The following FAM98C variants were observed in gnomAD, a reference collection of about 807,000 sequenced individuals.
FAM98C encodes the protein tRNA splicing ligase complex subunit 3C, also known as protein FAM98C.
FAM98C carries 38 observed loss-of-function variants against 41.1 expected under a neutral mutation model. The observed-to-expected ratio is 0.92, with a 90% CI of 0.71 to 1.21. FAM98C has a LOEUF of 1.21. Ranked by LOEUF, FAM98C falls within the 50% of genes most tolerant of loss-of-function variation. The pLI is 0.00. For synonymous variants in FAM98C, 195 were observed against 216.7 expected (o/e 0.90, Z 0.88); for missense variants, 493 against 484.7 (o/e 1.02, Z -0.16).
In FAM98C at chr19:38,408,613, C is replaced by A. The variant is rs1048565708; in HGVS notation, c.919-138C>A. On this transcript the variant is annotated intron_variant, in intron 7 of 7. Transcript: ENST00000252530. Reference sequence around the variant, plus strand: ...TGCTAGTATCTTCCACCAGTTCAGTCCCCCCTCCCCCAGCCACTGTACTCA... The same window carrying A: ...TGCTAGTATCTTCCACCAGTTCAGTACCCCCTCCCCCAGCCACTGTACTCA... 12 of 1,074,244 alleles carry A rather than the reference C, an allele frequency of 1.1e-5. No homozygotes were observed. The Admixed American group carries it at 1.5e-4, about 13-fold the overall frequency. The allele number at this position is 1,074,244 out of a possible 1,614,324, so 66.5% of individuals were successfully genotyped here. A position where few individuals can be genotyped will look rare whatever the true frequency, so the allele number is the denominator to read the frequency against.
Position 38,406,981 on chromosome 19 carries a change from CA to C in FAM98C, c.823del (p.Ile275LeufsTer91). ...TTCTGACCCCAGAATCGGACATCTC[CA>C]TTGCACACGTTCTGGCTGCCCGAGC... is the stretch of plus-strand genomic sequence containing the variant. Reference protein sequence around the residue: ...EVLTPESDISIAHVLAARADL... With the variant: ...EVLTPESDISXAHVLAARADL... On this transcript the variant is annotated frameshift_variant, in exon 7 of 8. Coordinates refer to ENST00000252530, the MANE Select transcript of FAM98C (RefSeq NM_174905.4). LOFTEE classifies it high-confidence loss of function. 6.2e-7 allele frequency: 1 copy of C among 1,614,204 alleles called. No homozygotes were observed. The highest frequency in any genetic ancestry group is 1.1e-5 in the South Asian group (1 of 91,076).
intron 3 of FAM98C, among the ~76,000 whole-genome samples, chr19:38,404,346 T>C (rs748781488): frequency 6.6e-6 from 1 of 152,064 alleles, no homozygotes; most frequent in Non-Finnish European, 1.5e-5. Context: ...TGGGGGGGAC[T>C]AGAAGGTGGA....
intron 6 of FAM98C, chr19:38,406,362 A>G (rs1971041245): frequency 6.6e-6 from 1 of 152,628 alleles, no homozygotes; most frequent in Non-Finnish European, 1.5e-5. Flanking sequence ...GGGTTTCTCC[A>G]TGTTGGTTAG....
Position 38,404,853 on chromosome 19 carries a change from T to A in FAM98C, c.350-55T>A. On this transcript the variant is annotated intron_variant, in intron 3 of 7. Transcript: ENST00000252530. ...CATCAGTGGAGCTTTTTGACCAAGA[T>A]GGATGAGTGGGTAGCAGCCTCCCTG... is the stretch of plus-strand genomic sequence containing the variant. The A allele has an allele frequency of 1.9e-6, 3 of 1,599,810 alleles. No individual in the cohort carries two copies. The South Asian group carries it at 3.3e-5, about 18-fold the overall frequency.
chr19:38,404,759 G>A, intron 3 of FAM98C, 149 bp from the exon 4 acceptor site: 2 of 794,818 alleles, frequency 2.5e-6, no homozygotes, highest in East Asian at 2.5e-5. Flanking sequence ...TCCATCTCCT[G>A]ACCTCGTGAT....
intron 3 of FAM98C, among the ~76,000 whole-genome samples, chr19:38,404,328 G>A (rs185052106): frequency 1.5e-4 from 23 of 152,264 alleles, no homozygotes; most frequent in African/African-American, 5.5e-4. Context: ...ACTCTGGAAG[G>A]CTTTAGGTGG....
At chr19:38,405,773 T>A in intron 6 of FAM98C, 138 bp downstream of exon 6, 1 of 770,138 alleles carries the variant, frequency 1.3e-6, no homozygotes, top group Non-Finnish European at 2.1e-6. Context: ...TTTTTTGAGG[T>A]TTGGGGCTCC....
Position 38,408,921 on chromosome 19 carries a change from GATGCTA to G in FAM98C, c.*46_*51del, listed in dbSNP as rs778071249. 11 of 1,533,532 alleles carry G rather than the reference GATGCTA, an allele frequency of 7.2e-6. No individual in the cohort carries two copies. The highest frequency in any genetic ancestry group is 2.6e-5 in the South Asian group (2 of 77,234). The allele number at this position is 1,533,532 out of a possible 1,614,324, so 95.0% of individuals were successfully genotyped here. On this transcript the variant is annotated 3_prime_UTR_variant, in exon 8 of 8. Coordinates refer to ENST00000252530, the MANE Select transcript of FAM98C (RefSeq NM_174905.4). ...GTCGGGGGCGGGGGGTCCTCCATGA[GATGCTA>G]ATGCTATCGGTAATCTCTGGGGAGT... is the stretch of plus-strand genomic sequence containing the variant.
intron 3 of FAM98C, among the ~76,000 whole-genome samples, 196 bp downstream of exon 3, chr19:38,403,890 T>A (rs1238944576): frequency 6.6e-6 from 1 of 151,984 alleles, no homozygotes; most frequent in Non-Finnish European, 1.5e-5. Context: ...TCGTTTTATT[T>A]TTTATTTATT....
At chr19:38,406,716 T>C in intron 6 of FAM98C, 194 bp from the exon 7 acceptor site, 1 of 561,254 alleles carries the variant, frequency 1.8e-6, no homozygotes, top group South Asian at 2.5e-5. Context: ...GCCCAGGAGA[T>C]TGAGGCTGCA....
At chr19:38,405,297 G>A (rs763275463) in intron 4 of FAM98C, 47 bp from the exon 5 acceptor site, 6 of 1,599,040 alleles carry the variant, frequency 3.8e-6, no homozygotes, top group Non-Finnish European at 5.1e-6. Context: ...TTACAGAGGG[G>A]CCCATCCTCT....
rs750914775 is a variant in FAM98C, at chr19:38,403,720, A to T, written c.349+26A>T. The T allele has an allele frequency of 8.7e-5, 121 of 1,395,504 alleles. No homozygotes were observed. The Middle Eastern group carries it at 8.0e-3, about 92-fold the overall frequency. 86.4% of individuals were successfully genotyped at this position (1,395,504 alleles called of 1,614,324 possible). A position where few individuals can be genotyped will look rare whatever the true frequency, so the allele number is the denominator to read the frequency against. On this transcript the variant is annotated intron_variant, in intron 3 of 7. Transcript: ENST00000252530. The stretch of plus-strand genomic sequence containing the variant: ...GTGAGTCCCGGGATGCAGAAGTGGC[A>T]AGGCCATGGCCTCCGGAGCGGCGGG...
chr19:38,405,611 T>A lies in FAM98C; in HGVS notation c.726T>A (p.Ala242=). Residue 242 remains alanine, a synonymous_variant, in exon 6 of 8, where the codon GCT becomes GCA. Coordinates refer to ENST00000252530, the MANE Select transcript of FAM98C (RefSeq NM_174905.4). ...AGCGCCTTGACCTCACTACATCTGCTTTCCACTGGAGTGACCGGGCAGAGG... is the reference window on the plus strand; with the variant it reads ...AGCGCCTTGACCTCACTACATCTGCATTCCACTGGAGTGACCGGGCAGAGG... The part of the protein sequence containing the change: ...LLKRLDLTTS[A]FHWSDRAEAQ... The A allele has an allele frequency of 6.2e-7, 1 of 1,614,150 alleles. No homozygotes were observed. The highest frequency in any genetic ancestry group is 8.5e-7 in the Non-Finnish European group (1 of 1,180,024).
In FAM98C at chr19:38,407,212, T is replaced by C. The variant is rs1196489978; in HGVS notation, c.918+135T>C. 3.8e-6 allele frequency: 4 copies of C among 1,047,012 alleles called. No homozygotes were observed. The African/African-American group carries it at 4.8e-5, about 12-fold the overall frequency. 64.9% of individuals were successfully genotyped at this position (1,047,012 alleles called of 1,614,324 possible). On this transcript the variant is annotated intron_variant, in intron 7 of 7. Transcript: ENST00000252530. ...GACATGGCAGCTAGAAGGACCTCGC[T>C]CACACAAAAACTGACTGTGGACTCC... is the stretch of plus-strand genomic sequence containing the variant.
At position 38,403,557 on chromosome 19, in the gene FAM98C, C is replaced by T. The variant is rs914141466; in HGVS notation, c.215-3C>T. On this transcript the variant is annotated splice_polypyrimidine_tract_variant and splice_region_variant and intron_variant, in intron 2 of 7. Coordinates refer to ENST00000252530, the MANE Select transcript of FAM98C (RefSeq NM_174905.4). ...CCGAGCCCTGACACCCCTGTCCTCG[C>T]AGGCCCTGGCGCGGAGGAGGACTTT... The T allele has an allele frequency of 1.6e-5, 24 of 1,492,284 alleles. No individual in the cohort carries two copies. Among genetic ancestry groups the T allele is most frequent in the Non-Finnish European group, 2.1e-5 (24 of 1,129,992 alleles). The allele number at this position is 1,492,284 out of a possible 1,614,324, so 92.4% of individuals were successfully genotyped here.
Position 38,406,985 on chromosome 19 carries a change from G to A in FAM98C, c.826G>A (p.Ala276Thr). ...VLTPESDISI[A>T]HVLAARADLS... is the part of the protein sequence containing the mutation. ...GACCCCAGAATCGGACATCTCCATT[G>A]CACACGTTCTGGCTGCCCGAGCCGA... Residue 276 changes from alanine (A) to threonine (T), a missense_variant, in exon 7 of 8, where the codon GCA becomes ACA. Ala to Thr is a moderately conservative substitution (Grantham distance 58). Transcript: ENST00000252530. 5.0e-6 allele frequency: 8 copies of A among 1,614,158 alleles called. No individual in the cohort carries two copies. Among genetic ancestry groups the A allele is most frequent in the South Asian group, 1.1e-5 (1 of 91,084 alleles).
At chr19:38,407,345 A>C (rs1600530694) in intron 7 of FAM98C, 4 of 425,348 alleles carry the variant, frequency 9.4e-6, no homozygotes, top group South Asian at 4.1e-5. Flanking sequence ...CTTCCCTATC[A>C]CCAAACACTA....
At chr19:38,404,638 T>C in intron 3 of FAM98C, 2 of 378,860 alleles carry the variant, frequency 5.3e-6, no homozygotes, top group South Asian at 4.8e-5. Flanking sequence ...TCAAGCGATT[T>C]TCCTGCTTCA....
At position 38,403,547 on chromosome 19, in the gene FAM98C, C is replaced by A. The variant is rs768730407; in HGVS notation, c.215-13C>A. The A allele has an allele frequency of 8.1e-6, 12 of 1,485,714 alleles. No individual in the cohort carries two copies. The highest frequency in any genetic ancestry group is 1.1e-5 in the Non-Finnish European group (12 of 1,126,910). 92.0% of individuals were successfully genotyped at this position (1,485,714 alleles called of 1,614,324 possible). A position where few individuals can be genotyped will look rare whatever the true frequency, so the allele number is the denominator to read the frequency against. ...CACGGGGCCACCGAGCCCTGACACCCCTGTCCTCGCAGGCCCTGGCGCGGA... is the reference window on the plus strand; with the variant it reads ...CACGGGGCCACCGAGCCCTGACACCACTGTCCTCGCAGGCCCTGGCGCGGA... On this transcript the variant is annotated splice_polypyrimidine_tract_variant and intron_variant, in intron 2 of 7. Transcript: ENST00000252530.
Sources: allele counts gnomAD v4.1 joint callset (sites outside exome capture counted in the v4.1 genomes callset), GRCh38; gene constraint gnomAD v4.1.1; transcripts MANE v1.5; gene names NCBI Gene and HGNC (gene_info 2026-07-23, HGNC 2026-07-21).